Variants in RNASEH2B observed in about 807,000 individuals in gnomAD.
RNASEH2B encodes the protein ribonuclease H2 subunit B, also known as Aicardi-Goutieres syndrome 2 protein.
RNASEH2B carries 36 observed loss-of-function variants against 45.0 expected under a neutral mutation model. That is an observed-to-expected ratio of 0.80 (90% CI 0.61 to 1.06). The LOEUF (loss-of-function observed/expected upper bound fraction) is 1.06. Among genes scored for constraint, RNASEH2B ranks in the 50% least tolerant of loss-of-function variants. The pLI is 0.00. For missense variants in RNASEH2B, 361 were observed against 360.3 expected (o/e 1.00, Z -0.02); for synonymous variants, 119 against 125.7 (o/e 0.95, Z 0.35).
intron 9 of RNASEH2B, among the ~76,000 whole-genome samples, chr13:50,968,959 A>G (rs1382400626): frequency 6.6e-6 from 1 of 152,252 alleles, no homozygotes; most frequent in African/African-American, 2.4e-5. Flanking sequence ...TGAAATCAGA[A>G]TACTTGTAAA....
At chr13:50,943,817 A>G (rs982837312) in intron 6 of RNASEH2B, among the ~76,000 whole-genome samples, 1 of 152,164 alleles carries the variant, frequency 6.6e-6, no homozygotes, top group Non-Finnish European at 1.5e-5. Context: ...TAGAGGAAGT[A>G]TGTCCTGCTC....
intron 5 of RNASEH2B, among the ~76,000 whole-genome samples, chr13:50,940,372 G>T (rs868262064): frequency 2.6e-5 from 4 of 152,206 alleles, no homozygotes; most frequent in African/African-American, 7.2e-5. Flanking sequence ...TGTGTCCATT[G>T]TGTGAACATG....
At chr13:50,961,970 A>C (rs1319001512) in intron 9 of RNASEH2B, among the ~76,000 whole-genome samples, 2 of 152,142 alleles carry the variant, frequency 1.3e-5, no homozygotes, top group Non-Finnish European at 2.9e-5. Flanking sequence ...TTTCTTTTTA[A>C]TAGAGGAATG....
chr13:50,951,453 G>A (rs1255197335), intron 9 of RNASEH2B: 2 of 152,098 alleles, frequency 1.3e-5, no homozygotes, highest in East Asian at 1.9e-4. Flanking sequence ...ACTATCATAT[G>A]TCTGCCTTTG....
intron 7 of RNASEH2B, among the ~76,000 whole-genome samples, chr13:50,947,679 C>T (rs924413608): frequency 1.3e-5 from 2 of 152,004 alleles, no homozygotes; most frequent in Non-Finnish European, 2.9e-5. Flanking sequence ...TCAGTGGTTT[C>T]AAATAAGAAA....
At chr13:50,928,310 T>C (rs1304795853) in intron 2 of RNASEH2B, 1 of 152,190 alleles carries the variant, frequency 6.6e-6, no homozygotes, top group Non-Finnish European at 1.5e-5. Flanking sequence ...TATAGAGACA[T>C]GTAAATAGAA....
At chr13:50,936,346 T>C (rs1475076285) in intron 5 of RNASEH2B, 1 of 152,180 alleles carries the variant, frequency 6.6e-6, no homozygotes, top group Admixed American at 6.5e-5. Context: ...CATAGATGGT[T>C]TGGCCAACTA....
intron 1 of RNASEH2B, among the ~76,000 whole-genome samples, chr13:50,916,177 T>G (rs1879731159): frequency 6.6e-6 from 1 of 152,180 alleles, no homozygotes; most frequent in African/African-American, 2.4e-5. Flanking sequence ...TTTTTTCATG[T>G]TGTTTACATT....
intron 1 of RNASEH2B, chr13:50,921,160 A>T (rs2137904836): frequency 6.6e-6 from 1 of 152,264 alleles, no homozygotes; most frequent in East Asian, 1.9e-4. Context: ...TAAAATTATT[A>T]TTATACCCAT....
chr13:50,962,925 T>G (rs1033040224), intron 9 of RNASEH2B, among the ~76,000 whole-genome samples: 1 of 152,082 alleles, frequency 6.6e-6, no homozygotes, highest in Non-Finnish European at 1.5e-5. Flanking sequence ...TTTCCATTCT[T>G]TCCTCCCTTT....
intron 1 of RNASEH2B, among the ~76,000 whole-genome samples, chr13:50,920,437 C>A (rs552553596): frequency 9.7e-4 from 147 of 152,236 alleles, no homozygotes; most frequent in African/African-American, 3.4e-3. Context: ...AATATAGAGA[C>A]CATGAGATAA....
intron 1 of RNASEH2B, among the ~76,000 whole-genome samples, chr13:50,922,918 A>G (rs996874495): frequency 2.6e-4 from 40 of 152,356 alleles, no homozygotes; most frequent in African/African-American, 9.1e-4. Context: ...ACTAAAGAAC[A>G]TCATGTCTAA....
chr13:50,915,639 C>T (rs1879698033), intron 1 of RNASEH2B, among the ~76,000 whole-genome samples: 1 of 152,256 alleles, frequency 6.6e-6, no homozygotes. Flanking sequence ...GTGGGCACCT[C>T]AGCCTTCTGC....
intron 4 of RNASEH2B, among the ~76,000 whole-genome samples, chr13:50,931,737 A>T (rs535668110): frequency 6.6e-6 from 1 of 152,360 alleles, no homozygotes; most frequent in African/African-American, 2.4e-5. Flanking sequence ...TGCCTAAAAA[A>T]TCAACAAGTA....
In RNASEH2B at chr13:50,930,901, T is replaced by C. The variant is rs1049760095; in HGVS notation, c.321+142T>C. On this transcript the variant is annotated intron_variant, in intron 4 of 10. Coordinates refer to ENST00000336617, the MANE Select transcript of RNASEH2B (RefSeq NM_024570.4). ...GTGACTAGAGAAAACATGAATCATATGGGCCAGTGCAGGACAGAGCACTAC... is the reference window on the plus strand; with the variant it reads ...GTGACTAGAGAAAACATGAATCATACGGGCCAGTGCAGGACAGAGCACTAC... 19 of 741,836 alleles carry C rather than the reference T, an allele frequency of 2.6e-5. No homozygotes were observed. In the East Asian group the frequency reaches 4.3e-4, roughly 17 times the overall value. The allele number at this position is 741,836 out of a possible 1,614,324, so 46.0% of individuals were successfully genotyped here.
rs143699275 is a variant in RNASEH2B, at chr13:50,934,812, G to A, written c.322-73G>A. 158 of 1,024,070 alleles carry A rather than the reference G, an allele frequency of 1.5e-4. No individual in the cohort carries two copies. The East Asian group carries it at 3.4e-3, about 22-fold the overall frequency. The allele number at this position is 1,024,070 out of a possible 1,614,324, so 63.4% of individuals were successfully genotyped here. A position where few individuals can be genotyped will look rare whatever the true frequency, so the allele number is the denominator to read the frequency against. ...TTTAAAGGCCCAGCCATGAGTTAAT[G>A]TGTCTTTTTCTCTTTTTTTCTGAAT... On this transcript the variant is annotated intron_variant, in intron 4 of 10. Coordinates refer to ENST00000336617, the MANE Select transcript of RNASEH2B (RefSeq NM_024570.4).
At chr13:50,923,702 C>A (rs1190850193) in intron 1 of RNASEH2B, among the ~76,000 whole-genome samples, 1 of 152,070 alleles carries the variant, frequency 6.6e-6, no homozygotes, top group Non-Finnish European at 1.5e-5. Flanking sequence ...AAGGATAAGG[C>A]ACTAGATGAT....
rs978451738 is a variant in RNASEH2B, at chr13:50,945,994, C to T, written c.616+462C>T. Among the ~76,000 whole-genome samples the T allele has an allele frequency of 1.6e-4, 25 of 152,282 alleles. 1 individual carries two copies. The highest frequency in any genetic ancestry group is 1.5e-3 in the East Asian group (8 of 5,180). On this transcript the variant is annotated intron_variant, in intron 7 of 10. Coordinates refer to ENST00000336617, the MANE Select transcript of RNASEH2B (RefSeq NM_024570.4). ...CCACACTTGTAATCTTTTTGTGATACTGTTCCTGTGGCACAGTTGTACTGT... is the reference window on the plus strand; with the variant it reads ...CCACACTTGTAATCTTTTTGTGATATTGTTCCTGTGGCACAGTTGTACTGT...
In RNASEH2B at chr13:50,934,957, C is replaced by A. The variant is rs780398368; in HGVS notation, c.394C>A (p.Pro132Thr). Residue 132 changes from proline to threonine, a missense_variant, in exon 5 of 11, where the codon CCT becomes ACT. Physicochemically the swap from Pro to Thr is conservative, Grantham distance 38. Coordinates refer to ENST00000336617, the MANE Select transcript of RNASEH2B (RefSeq NM_024570.4). ...FPNCILLLKLPGLEKLLHHVT... is the reference protein window; with the variant it reads ...FPNCILLLKLTGLEKLLHHVT... Reference sequence around the variant, plus strand: ...AAATTGCATCTTGTTGCTGAAACTTCCTGGACTTGAGAAGTTACTTCATCA... The same window carrying A: ...AAATTGCATCTTGTTGCTGAAACTTACTGGACTTGAGAAGTTACTTCATCA... 2 of 1,613,894 alleles carry A rather than the reference C, an allele frequency of 1.2e-6. No homozygotes were observed. The highest frequency in any genetic ancestry group is 2.2e-5 in the South Asian group (2 of 91,062).
Sources: allele counts gnomAD v4.1 joint callset (sites outside exome capture counted in the v4.1 genomes callset), GRCh38; gene constraint gnomAD v4.1.1; transcripts MANE v1.5; gene names NCBI Gene and HGNC (gene_info 2026-07-23, HGNC 2026-07-21).